The following CREBBP variants were observed in gnomAD, a reference collection of about 807,000 sequenced individuals.
The protein encoded by CREBBP is CREB-binding protein.
CREBBP carries 19 observed loss-of-function variants against 265.0 expected under a neutral mutation model. The observed-to-expected ratio is 0.07, with a 90% CI of 0.05 to 0.11. The LOEUF is 0.11. Ranked by LOEUF, CREBBP falls within the 10% of genes least tolerant of loss-of-function variation. The pLI, the probability that CREBBP is intolerant of heterozygous loss-of-function variation, is 1.00. For missense variants in CREBBP, 2,525 were observed against 3,219.0 expected, an observed-to-expected ratio of 0.78 and a Z score of 5.22; for synonymous variants, 1,457 against 1,223.7, an observed-to-expected ratio of 1.19 and a Z score of -3.98.
At chr16:3,844,535 A>G (rs1479164479) in intron 2 of CREBBP, among the ~76,000 whole-genome samples, 2 of 152,224 alleles carry the variant, frequency 1.3e-5, no homozygotes, top group Non-Finnish European at 2.9e-5. Context: ...ACTACTGACT[A>G]CAAACCAAAG....
chr16:3,745,012 C>CA (rs1470162123), intron 22 of CREBBP, 51 bp from the exon 23 acceptor site: 1 of 1,335,488 alleles, frequency 7.5e-7, no homozygotes, highest in Non-Finnish European at 1.1e-6. Flanking sequence ...TGTAAATTGT[C>CA]AAACCAACAA....
Position 3,731,198 on chromosome 16 carries a change from C to G in CREBBP, c.5166G>C (p.Val1722=), listed in dbSNP as rs1246399711. The part of the protein sequence containing the change: ...HHVETRWHCT[V]CEDYDLCINC... ...GGGTGGGGGCAGGGCCTACCTCGCA[C>G]ACAGTGCAGTGCCAGCGCGTCTCCA... Residue 1722 remains valine, a synonymous_variant, in exon 30 of 31, where the codon GTG becomes GTC. Transcript: ENST00000262367. This position sits in a 1 kb window ranked among gnomAD's most constrained non-coding sequence, Gnocchi z 7.7. The G allele has an allele frequency of 2.5e-6, 4 of 1,612,284 alleles. No homozygotes were observed. The highest frequency in any genetic ancestry group is 2.5e-6 in the Non-Finnish European group (3 of 1,179,074).
At chr16:3,807,332 G>A (rs1046933714) in intron 3 of CREBBP, among the ~76,000 whole-genome samples, 10 of 152,122 alleles carry the variant, frequency 6.6e-5, no homozygotes, top group Non-Finnish European at 1.5e-4. Context: ...TTTGGCACTG[G>A]AGTCCTGACT....
At chr16:3,761,520 G>T (rs190111428) in intron 16 of CREBBP, 1 of 518,252 alleles carries the variant, frequency 1.9e-6, no homozygotes, top group Admixed American at 1.9e-5. Context: ...GAAAACAGGC[G>T]CACCAAGAAC....
At chr16:3,856,475 G>C (rs983032130) in intron 1 of CREBBP, among the ~76,000 whole-genome samples, 108 of 152,138 alleles carry the variant, frequency 7.1e-4, no homozygotes, top group African/African-American at 2.5e-3. Flanking sequence ...TCCCAGGCTT[G>C]CCAGCTAATT....
intron 2 of CREBBP, among the ~76,000 whole-genome samples, chr16:3,828,188 G>C (rs1165251826): frequency 1.3e-5 from 2 of 151,944 alleles, no homozygotes; most frequent in Non-Finnish European, 1.5e-5. Context: ...TGCCTCCTGG[G>C]TTCAAGCTAC....
intron 1 of CREBBP, among the ~76,000 whole-genome samples, chr16:3,873,232 A>G (rs989354332): frequency 2.3e-4 from 35 of 152,234 alleles, no homozygotes; most frequent in African/African-American, 8.4e-4. Context: ...AAAATTATCA[A>G]TAATTTTCAG....
chr16:3,764,372 G>A (rs886666092), intron 16 of CREBBP, among the ~76,000 whole-genome samples: 1 of 152,056 alleles, frequency 6.6e-6, no homozygotes, highest in African/African-American at 2.4e-5. Context: ...AACCTCCTGG[G>A]CTCAAGCAAT....
At chr16:3,823,455 A>G (rs1190335302) in intron 2 of CREBBP, among the ~76,000 whole-genome samples, 1 of 152,136 alleles carries the variant, frequency 6.6e-6, no homozygotes, top group East Asian at 1.9e-4. Flanking sequence ...AATGCCTTAT[A>G]CCTGTGGCTA....
At chr16:3,789,158 G>T (rs1343228035) in intron 5 of CREBBP, among the ~76,000 whole-genome samples, 1 of 152,158 alleles carries the variant, frequency 6.6e-6, no homozygotes, top group Admixed American at 6.5e-5. Context: ...TGGCCTGTGG[G>T]AAACACTGCC....
At chr16:3,733,790 C>T (rs997810832) in intron 28 of CREBBP, among the ~76,000 whole-genome samples, 16 of 151,922 alleles carry the variant, frequency 1.1e-4, no homozygotes, top group Admixed American at 5.9e-4. Context: ...TACAGGCGTG[C>T]GCCACCACAC....
intron 5 of CREBBP, among the ~76,000 whole-genome samples, chr16:3,786,470 C>T (rs1366649001): frequency 6.6e-6 from 1 of 152,192 alleles, no homozygotes; most frequent in Non-Finnish European, 1.5e-5. Context: ...CCTAATCATC[C>T]TCAATAAAAC....
At chr16:3,729,991 T>C (rs1035002896) in intron 30 of CREBBP, 117 bp from the exon 31 acceptor site, 11 of 1,515,316 alleles carry the variant, frequency 7.3e-6, no homozygotes, top group South Asian at 4.8e-5. Context: ...CCAGGCAGGA[T>C]AGGAGACCCA....
At chr16:3,837,651 A>T (rs2054482265) in intron 2 of CREBBP, among the ~76,000 whole-genome samples, 1 of 150,746 alleles carries the variant, frequency 6.6e-6, no homozygotes. Context: ...ATAAATAATA[A>T]AAAATTTTAA....
rs71133657 is a variant in CREBBP, at chr16:3,802,114, A to ATTTTTTTT, written c.975+8481_975+8488dup. 2.5e-3 allele frequency among the ~76,000 whole-genome samples: 125 copies of ATTTTTTTT among 50,592 alleles called. 19 individuals are homozygous for ATTTTTTTT. The highest frequency in any genetic ancestry group is 5.8e-3 in the South Asian group (5 of 868). The allele number at this position is 50,592 out of a possible 152,430, so 33.2% of individuals were successfully genotyped here. ...TTTATATTTACTCTGGTATTCCTTAATTTTTTTTTTTTTTTTTTTTTTTTT... is the reference window on the plus strand; with the variant it reads ...TTTATATTTACTCTGGTATTCCTTAATTTTTTTTTTTTTTTTTTTTTTTTTTTTTTTTT... On this transcript the variant is annotated intron_variant, in intron 3 of 30. Transcript: ENST00000262367.
intron 1 of CREBBP, among the ~76,000 whole-genome samples, chr16:3,867,460 TCAGCTTAAGTGA>T (rs1236566368): frequency 5.9e-5 from 9 of 151,722 alleles, no homozygotes; most frequent in Non-Finnish European, 1.5e-5. Flanking sequence ...CCACTGCACT[TCAGCTTAAGTGA>T]CAGAGCAAGA....
At chr16:3,762,653 G>A (rs1483875924) in intron 16 of CREBBP, among the ~76,000 whole-genome samples, 1 of 152,124 alleles carries the variant, frequency 6.6e-6, no homozygotes, top group Non-Finnish European at 1.5e-5. Context: ...CCAAAAACGC[G>A]GCTCTCGAGC....
chr16:3,797,645 T>C (rs2053633882), intron 3 of CREBBP, among the ~76,000 whole-genome samples: 3 of 152,148 alleles, frequency 2.0e-5, no homozygotes. Context: ...CACTCACTTA[T>C]TTTGTGATTG....
At position 3,740,553 on chromosome 16, in the gene CREBBP, G is replaced by C. The variant is rs757096550; in HGVS notation, c.3983-4C>G. 9.3e-6 allele frequency: 15 copies of C among 1,613,996 alleles called. No individual in the cohort carries two copies. The South Asian group carries it at 1.6e-4, about 18-fold the overall frequency. Reference sequence around the variant, plus strand: ...CCCAGTCTTGTGGTCTGCAGCCCTAGGAAGTCCAGAAGGAGCAGGTGAGAG... The same window carrying C: ...CCCAGTCTTGTGGTCTGCAGCCCTACGAAGTCCAGAAGGAGCAGGTGAGAG... On this transcript the variant is annotated splice_polypyrimidine_tract_variant and splice_region_variant and intron_variant, in intron 23 of 30. Transcript: ENST00000262367.
Sources: gnomAD v4.1 joint callset for allele counts (sites outside exome capture counted in the v4.1 genomes callset) on GRCh38, gnomAD v4.1.1 for gene constraint, Gnocchi (gnomAD v3.1) non-coding constraint, MANE v1.5 for transcripts, NCBI Gene and HGNC (gene_info 2026-07-23, HGNC 2026-07-21) for gene names.